ADAM7: variants seen among roughly 807,000 people sequenced by gnomAD.
The protein encoded by ADAM7 is disintegrin and metalloproteinase domain-containing protein 7.
ADAM7 carries 97 observed loss-of-function variants against 102.9 expected under a neutral mutation model. The observed-to-expected ratio is 0.94, with a 90% CI of 0.80 to 1.12. The LOEUF (loss-of-function observed/expected upper bound fraction) is 1.12, where lower values mean the gene tolerates loss of function less well. ADAM7 is among the 50% of genes most tolerant of loss of function. ADAM7 has a pLI of 0.00. For missense variants in ADAM7, 991 were observed against 908.7 expected, an observed-to-expected ratio of 1.09 and a Z score of -1.16; for synonymous variants, 334 against 304.4, an observed-to-expected ratio of 1.10 and a Z score of -1.01.
chr8:24,489,323 G>A lies in ADAM7; in HGVS notation c.1256G>A (p.Gly419Asp). Residue 419 changes from glycine to aspartate, a missense_variant, in exon 12 of 22, where the codon GGC (glycine) becomes GAC (aspartate). Gly to Asp is a moderately conservative substitution (Grantham distance 94, BLOSUM62 -1). Coordinates refer to ENST00000175238, the MANE Select transcript of ADAM7 (RefSeq NM_003817.4). The part of the protein sequence containing the change: ...KLDEGEECDC[G>D]PAQECTNPCC... ...GATGAGGGTGAAGAGTGTGACTGTGGCCCTGCTCAGGTATTTGCAAATGAA... is the reference window on the plus strand; with the variant it reads ...GATGAGGGTGAAGAGTGTGACTGTGACCCTGCTCAGGTATTTGCAAATGAA... 1.2e-6 allele frequency: 2 copies of A among 1,609,844 alleles called. No individual in the cohort carries two copies. The highest frequency in any genetic ancestry group is 1.7e-6 in the Non-Finnish European group (2 of 1,178,206).
intron 4 of ADAM7, among the ~76,000 whole-genome samples, chr8:24,464,806 G>T (rs1340559839): frequency 7.9e-6 from 1 of 125,964 alleles, no homozygotes; most frequent in Non-Finnish European, 1.7e-5. Context: ...TCACCATGTT[G>T]GCCAGGATGG....
At chr8:24,484,511 T>C (rs1820066325) in intron 9 of ADAM7, among the ~76,000 whole-genome samples, 1 of 152,170 alleles carries the variant, frequency 6.6e-6, no homozygotes, top group African/African-American at 2.4e-5. Flanking sequence ...AGTGTTTTAT[T>C]ATAGCTATCA....
intron 7 of ADAM7, among the ~76,000 whole-genome samples, chr8:24,475,576 T>G (rs1585890159): frequency 6.6e-6 from 1 of 151,796 alleles, no homozygotes; most frequent in Admixed American, 6.6e-5. Context: ...ATAATCAGAG[T>G]GTAGTAGGTT....
intron 16 of ADAM7, among the ~76,000 whole-genome samples, chr8:24,496,098 CCT>C (rs1161154880): frequency 6.6e-6 from 1 of 152,154 alleles, no homozygotes; most frequent in Non-Finnish European, 1.5e-5. Flanking sequence ...GACTTGGTGC[CCT>C]GAGTCCCAGC....
intron 6 of ADAM7, among the ~76,000 whole-genome samples, chr8:24,467,986 A>G (rs1344911931): frequency 4.6e-5 from 7 of 152,026 alleles, no homozygotes; most frequent in Non-Finnish European, 1.5e-5. Context: ...AATACCTTGA[A>G]CCCAGGAGGT....
intron 6 of ADAM7, among the ~76,000 whole-genome samples, chr8:24,467,991 G>A (rs1819484802): frequency 1.3e-5 from 2 of 152,138 alleles, no homozygotes; most frequent in East Asian, 1.9e-4. Context: ...CTTGAACCCA[G>A]GAGGTGGAAG....
chr8:24,459,013 G>A (rs1819142119), intron 3 of ADAM7, among the ~76,000 whole-genome samples: 1 of 151,712 alleles, frequency 6.6e-6, no homozygotes, highest in Non-Finnish European at 1.5e-5. Context: ...CAATAGATTT[G>A]TCAAATTTTG....
At chr8:24,474,371 C>G (rs1819701187) in intron 7 of ADAM7, among the ~76,000 whole-genome samples, 1 of 152,102 alleles carries the variant, frequency 6.6e-6, no homozygotes, top group African/African-American at 2.4e-5. Flanking sequence ...AATTTTTACT[C>G]ATATACTAGG....
At chr8:24,501,957 C>T (rs763316564) in intron 20 of ADAM7, among the ~76,000 whole-genome samples, 7 of 151,982 alleles carry the variant, frequency 4.6e-5, no homozygotes, top group Non-Finnish European at 7.4e-5. Context: ...TTCTGGAGGC[C>T]GAGACAGGCA....
intron 15 of ADAM7, 115 bp from the exon 16 acceptor site, chr8:24,492,928 T>C (rs780174717): frequency 8.8e-6 from 10 of 1,132,786 alleles, no homozygotes; most frequent in Non-Finnish European, 1.2e-5. Flanking sequence ...ACAGCCTCCT[T>C]AACTTGGCAA....
intron 7 of ADAM7, 59 bp from the exon 8 acceptor site, chr8:24,476,374 T>C: frequency 2.3e-6 from 3 of 1,307,182 alleles, no homozygotes; most frequent in East Asian, 2.5e-5. Context: ...AAGTATTTTG[T>C]TGAGCTTTTA....
rs545365311 is a variant in ADAM7, at chr8:24,458,567, T to C, written c.234-5315T>C. On this transcript the variant is annotated intron_variant, in intron 3 of 21. Coordinates refer to ENST00000175238, the MANE Select transcript of ADAM7 (RefSeq NM_003817.4). Reference sequence around the variant, plus strand: ...TTGTTTTGTAGAGTACTTAGAAATCTTCTAGGAAATTTACCATCTTGTCAT... The same window carrying C: ...TTGTTTTGTAGAGTACTTAGAAATCCTCTAGGAAATTTACCATCTTGTCAT... Among the ~76,000 whole-genome samples, 3 of 152,240 alleles carry C rather than the reference T, an allele frequency of 2.0e-5. No homozygotes were observed. The East Asian group carries it at 5.8e-4, about 29-fold the overall frequency.
At chr8:24,505,091 T>C (rs1820905209) in intron 20 of ADAM7, among the ~76,000 whole-genome samples, 1 of 152,164 alleles carries the variant, frequency 6.6e-6, no homozygotes, top group Non-Finnish European at 1.5e-5. Context: ...AGCACAGTGA[T>C]TGGTATACAC....
intron 7 of ADAM7, 27 bp downstream of exon 7, chr8:24,468,847 C>G: frequency 6.3e-7 from 1 of 1,585,364 alleles, no homozygotes. Context: ...ACATTTCTCT[C>G]TTTATTCTTC....
chr8:24,469,151 A>G (rs1486327793), intron 7 of ADAM7, among the ~76,000 whole-genome samples: 1 of 152,212 alleles, frequency 6.6e-6, no homozygotes, highest in East Asian at 1.9e-4. Context: ...GAAAATCTCT[A>G]TCAGAACAGT....
intron 8 of ADAM7, among the ~76,000 whole-genome samples, chr8:24,481,597 T>C (rs1222633247): frequency 6.6e-6 from 1 of 152,246 alleles, no homozygotes; most frequent in African/African-American, 2.4e-5. Flanking sequence ...GTGAGGTTTA[T>C]AGGCTACAAC....
At chr8:24,503,693 G>T (rs1370279371) in intron 20 of ADAM7, among the ~76,000 whole-genome samples, 6 of 152,094 alleles carry the variant, frequency 3.9e-5, no homozygotes, top group Admixed American at 3.3e-4. Context: ...ATACTATGCA[G>T]CCATAAAAAA....
intron 3 of ADAM7, 87 bp from the exon 4 acceptor site, chr8:24,463,795 C>T (rs1338408602): frequency 8.8e-7 from 1 of 1,137,178 alleles, no homozygotes; most frequent in East Asian, 2.4e-5. Flanking sequence ...TGGAAGCAAA[C>T]TGGACACTTC....
intron 7 of ADAM7, among the ~76,000 whole-genome samples, chr8:24,470,741 T>A (rs570143752): frequency 1.9e-4 from 29 of 152,288 alleles, no homozygotes; most frequent in Non-Finnish European, 3.4e-4. Flanking sequence ...TGTATGAAAG[T>A]ATAGCACATA....
Sources: gnomAD v4.1 joint callset for allele counts (sites outside exome capture counted in the v4.1 genomes callset) on GRCh38, gnomAD v4.1.1 for gene constraint, MANE v1.5 for transcripts, NCBI Gene and HGNC (gene_info 2026-07-23, HGNC 2026-07-21) for gene names.